The following TSBP1 variants were observed in gnomAD, a reference collection of about 807,000 sequenced individuals.
The protein encoded by TSBP1 is testis expressed basic protein 1, also known as testis-expressed basic protein 1.
TSBP1 carries 56 observed loss-of-function variants against 68.8 expected under a neutral mutation model. The observed-to-expected ratio is 0.81, with a 90% CI of 0.66 to 1.02. The LOEUF (loss-of-function observed/expected upper bound fraction) is 1.02, where lower values mean the gene tolerates loss of function less well. Ranked by LOEUF, TSBP1 falls within the 50% of genes least tolerant of loss-of-function variation. The pLI, the probability that TSBP1 is intolerant of heterozygous loss-of-function variation, is 0.00. For missense variants in TSBP1, 502 were observed against 641.2 expected (o/e 0.78, Z 2.34); for synonymous variants, 171 against 208.7 (o/e 0.82, Z 1.56).
chr6:32,364,461 G>T (rs2127657033), intron 6 of TSBP1, among the ~76,000 whole-genome samples: 1 of 136,422 alleles, frequency 7.3e-6, no homozygotes, highest in Non-Finnish European at 1.6e-5. Flanking sequence ...TAAATGATTG[G>T]TCTTTGACTT....
intron 9 of TSBP1, 82 bp from the exon 11 acceptor site, chr6:32,339,720 T>C: frequency 4.7e-6 from 3 of 636,410 alleles, no homozygotes; most frequent in Non-Finnish European, 8.5e-6. Context: ...CATTCCCTCC[T>C]CCCCCTCCTC....
chr6:32,352,252 T>TAA (rs1184041864), intron 8 of TSBP1, among the ~76,000 whole-genome samples: 1 of 151,994 alleles, frequency 6.6e-6, no homozygotes, highest in Admixed American at 6.6e-5. Flanking sequence ...ATTTTGTCTT[T>TAA]AAAAAGAATA....
exon 23 of TSBP1, chr6:32,293,415 C>T: frequency 6.2e-7 from 1 of 1,612,952 alleles, no homozygotes; most frequent in Non-Finnish European, 8.5e-7. Context: ...CCTTTTGGTA[C>T]CTTCAACTCA....
Position 32,308,957 on chromosome 6 carries a change from C to CTTTTTTTTTT in TSBP1, c.581-6338_581-6329dup, listed in dbSNP as rs9279571. Among the ~76,000 whole-genome samples, 2 of 122,050 alleles carry CTTTTTTTTTT rather than the reference C, an allele frequency of 1.6e-5. 1 individual carries two copies. The highest frequency in any genetic ancestry group is 3.3e-5 in the Non-Finnish European group (2 of 60,394). The allele number at this position is 122,050 out of a possible 152,430, so 80.1% of individuals were successfully genotyped here. A position where few individuals can be genotyped will look rare whatever the true frequency, so the allele number is the denominator to read the frequency against. On this transcript the variant is annotated intron_variant, in intron 19 of 22. Coordinates refer to ENST00000612031, the Ensembl canonical transcript of TSBP1. ...TCTCCTTCTCCTTCTTTTCTTCCTGCTTTTTTTTTTTTTTTTTTGACAGGG... is the reference window on the plus strand; with the variant it reads ...TCTCCTTCTCCTTCTTTTCTTCCTGCTTTTTTTTTTTTTTTTTTTTTTTTTTTTGACAGGG...
intron 4 of TSBP1, among the ~76,000 whole-genome samples, chr6:32,366,939 A>G (rs1562199490): frequency 6.6e-6 from 1 of 152,120 alleles, no homozygotes. Flanking sequence ...TCATAGAGGT[A>G]AGAAGGAGAA....
At position 32,344,265 on chromosome 6, in the gene TSBP1, C is replaced by T. The variant is rs9279585; in HGVS notation, c.350-4627G>A. On this transcript the variant is annotated intron_variant, in intron 9 of 22. Transcript: ENST00000612031. ...ATGCTATCCCTCCCCCCTCCCCCCA[C>T]CCCCCACCCTCCACCCCACAACAGT... Among the ~76,000 whole-genome samples the T allele has an allele frequency of 3.1e-4, 7 of 22,804 alleles. 2 individuals are homozygous for T. The South Asian group carries it at 0.028, about 93-fold the overall frequency. The allele number at this position is 22,804 out of a possible 152,430, so 15.0% of individuals were successfully genotyped here. A position where few individuals can be genotyped will look rare whatever the true frequency, so the allele number is the denominator to read the frequency against.
intron 19 of TSBP1, among the ~76,000 whole-genome samples, chr6:32,312,133 G>A (rs1054078243): frequency 2.0e-5 from 3 of 152,138 alleles, no homozygotes; most frequent in Non-Finnish European, 4.4e-5. Flanking sequence ...AGGCATGGTC[G>A]AGTTCTTGTA....
At chr6:32,328,130 C>T (rs967046198) in intron 16 of TSBP1, among the ~76,000 whole-genome samples, 25 of 151,720 alleles carry the variant, frequency 1.6e-4, no homozygotes, top group African/African-American at 5.6e-4. Context: ...TTAATAGAGG[C>T]GCGGTTTCAT....
Position 32,364,939 on chromosome 6 carries a change from A to G in TSBP1, c.217+1228T>C, listed in dbSNP as rs183810099. ...GAGAGAAAATCTCACTCTGCTACCCAGAGTGGAGCAGTGGCATGATCGTGG... is the reference window on the plus strand; with the variant it reads ...GAGAGAAAATCTCACTCTGCTACCCGGAGTGGAGCAGTGGCATGATCGTGG... On this transcript the variant is annotated intron_variant, in intron 6 of 22. Coordinates refer to ENST00000612031, the Ensembl canonical transcript of TSBP1. Among the ~76,000 whole-genome samples, 4 of 152,160 alleles carry G rather than the reference A, an allele frequency of 2.6e-5. No homozygotes were observed. The East Asian group carries it at 7.7e-4, about 29-fold the overall frequency.
chr6:32,300,083 C>A, intron 21 of TSBP1, 147 bp from the exon 25 acceptor site: 1 of 668,654 alleles, frequency 1.5e-6, no homozygotes, highest in Non-Finnish European at 2.7e-6. Flanking sequence ...GTGTTGCTGG[C>A]CAATGCTCCA....
rs1013510467 is a variant in TSBP1 at position 32,336,252 on chromosome 6, A to G, written c.431-320T>C. On this transcript the variant is annotated intron_variant, in intron 12 of 22. Coordinates refer to ENST00000612031, the Ensembl canonical transcript of TSBP1. The surrounding 1 kb of genome is among the most constrained non-coding windows in gnomAD (Gnocchi z 5.2). ...CCTTGCCCCTAGTTTCCTTAGAGAC[A>G]TGGTTTATTTGAAAGGTGTACCTTC... 6.6e-6 allele frequency among the ~76,000 whole-genome samples: 1 copy of G among 152,222 alleles called. No homozygotes were observed. The highest frequency in any genetic ancestry group is 2.4e-5 in the African/African-American group (1 of 41,454).
chr6:32,330,281 T>C (rs567814340), intron 16 of TSBP1, among the ~76,000 whole-genome samples: 7 of 152,302 alleles, frequency 4.6e-5, no homozygotes, highest in Non-Finnish European at 1.5e-5. Context: ...CTTTAGAAAC[T>C]ACAAAGCACT....
intron 6 of TSBP1, among the ~76,000 whole-genome samples, chr6:32,362,558 C>T (rs914734703): frequency 3.0e-4 from 46 of 152,206 alleles, no homozygotes; most frequent in African/African-American, 1.1e-3. Context: ...AACCACTTAT[C>T]AGATATATGG....
At position 32,343,435 on chromosome 6, in the gene TSBP1, C is replaced by T. The variant is rs1236817957; in HGVS notation, c.350-3797G>A. ...GATCCCATGTCTTTTCCCCCTTAGA[C>T]ACTATGCAGGAGTGAAAGTTTCAGG... On this transcript the variant is annotated intron_variant, in intron 9 of 22. Coordinates refer to ENST00000612031, the Ensembl canonical transcript of TSBP1. The surrounding 1 kb of genome is among the most constrained non-coding windows in gnomAD (Gnocchi z 4.3). 2.0e-5 allele frequency among the ~76,000 whole-genome samples: 3 copies of T among 152,170 alleles called. No homozygotes were observed. The highest frequency in any genetic ancestry group is 4.4e-5 in the Non-Finnish European group (3 of 68,030).
In TSBP1 at chr6:32,294,038, G is replaced by A. The variant is rs376040919; in HGVS notation, c.638-3C>T. On this transcript the variant is annotated splice_region_variant and splice_polypyrimidine_tract_variant and intron_variant, in intron 22 of 22. Coordinates refer to ENST00000612031, the Ensembl canonical transcript of TSBP1. Reference sequence around the variant, plus strand: ...ATCCATGTAACCTGTTAATATAACTGAGCATACAACAAAAGGGCGTGATTT... The same window carrying A: ...ATCCATGTAACCTGTTAATATAACTAAGCATACAACAAAAGGGCGTGATTT... 1.8e-4 allele frequency: 296 copies of A among 1,605,924 alleles called. No individual in the cohort carries two copies. Among genetic ancestry groups the A allele is most frequent in the Non-Finnish European group, 2.4e-4 (284 of 1,178,800 alleles).
rs1583101494 is a variant in TSBP1 at position 32,339,718 on chromosome 6, C to T, written c.350-80G>A. ...ATGGAGATAGACAATCCCATTCCCTCCTCCCCCTCCTCAGGTGTGGTACAA... is the reference window on the plus strand; with the variant it reads ...ATGGAGATAGACAATCCCATTCCCTTCTCCCCCTCCTCAGGTGTGGTACAA... On this transcript the variant is annotated intron_variant, in intron 9 of 22. Coordinates refer to ENST00000612031, the Ensembl canonical transcript of TSBP1. 2.8e-5 allele frequency: 18 copies of T among 641,054 alleles called. No individual in the cohort carries two copies. The South Asian group carries it at 3.2e-4, about 12-fold the overall frequency. 39.7% of individuals were successfully genotyped at this position (641,054 alleles called of 1,614,324 possible).
In TSBP1 at chr6:32,371,739, C is replaced by T. The variant is rs1201527267; in HGVS notation, c.-33G>A. On this transcript the variant is annotated 5_prime_UTR_variant, in exon 1 of 23. An upstream start codon of the reference 5' UTR is lost. Transcript: ENST00000612031. ...GTATTGTCTTCATCAGGTCTCGCATCATCTGGATTTCTTTGTCAGAGAGAG... is the reference window on the plus strand; with the variant it reads ...GTATTGTCTTCATCAGGTCTCGCATTATCTGGATTTCTTTGTCAGAGAGAG... 2 of 1,613,632 alleles carry T rather than the reference C, an allele frequency of 1.2e-6. No homozygotes were observed. The highest frequency in any genetic ancestry group is 2.2e-5 in the East Asian group (1 of 44,884).
intron 16 of TSBP1, 35 bp downstream of exon 17, chr6:32,330,554 G>A (rs572236851): frequency 6.2e-7 from 1 of 1,600,876 alleles, no homozygotes; most frequent in Non-Finnish European, 8.5e-7. Context: ...GAAGATCAAG[G>A]AACCTGGAGG....
chr6:32,351,587 C>T (rs1265763), intron 8 of TSBP1, among the ~76,000 whole-genome samples: 44,270 of 152,002 alleles, frequency 0.29, 7,466 homozygotes, highest in African/African-American at 0.44. Context: ...GTAGAGACTA[C>T]AGTTTGTTGT....
Sources: allele counts gnomAD v4.1 joint callset (sites outside exome capture counted in the v4.1 genomes callset), GRCh38; gene constraint gnomAD v4.1.1; non-coding constraint Gnocchi (gnomAD v3.1); transcripts MANE v1.5; gene names NCBI Gene and HGNC (gene_info 2026-07-23, HGNC 2026-07-21).